NELL2: variants seen among roughly 807,000 people sequenced by gnomAD.
NELL2 encodes neural EGFL like 2, also known as protein kinase C-binding protein NELL2.
NELL2 carries 41 observed loss-of-function variants against 109.6 expected under a neutral mutation model. The observed-to-expected ratio is 0.37, with a 90% CI of 0.29 to 0.49. The LOEUF is 0.49. NELL2 is among the 20% of genes least tolerant of loss of function. NELL2 has a pLI of 0.98. For synonymous variants in NELL2, 355 were observed against 344.7 expected (o/e 1.03, Z -0.33); for missense variants, 900 against 1,008.3 (o/e 0.89, Z 1.45).
chr12:44,834,738 C>T (rs996061766), intron 2 of NELL2, among the ~76,000 whole-genome samples: 3 of 152,160 alleles, frequency 2.0e-5, no homozygotes, highest in Non-Finnish European at 4.4e-5. Context: ...TAACCTCCAT[C>T]CCACCCCAGC....
intron 9 of NELL2, among the ~76,000 whole-genome samples, chr12:44,744,365 A>C (rs188413181): frequency 0.026 from 3,999 of 152,254 alleles, 166 homozygotes; most frequent in African/African-American, 0.09. Flanking sequence ...TCTAAAATTG[A>C]CACCCTAACA....
chr12:44,609,785 C>T (rs1418240577), intron 14 of NELL2, among the ~76,000 whole-genome samples: 1 of 152,010 alleles, frequency 6.6e-6, no homozygotes, highest in Non-Finnish European at 1.5e-5. Context: ...CCTTATAAGA[C>T]ACTGCGTTAA....
At chr12:44,870,826 G>A (rs1350367106) in intron 2 of NELL2, among the ~76,000 whole-genome samples, 1 of 152,124 alleles carries the variant, frequency 6.6e-6, no homozygotes, top group South Asian at 2.1e-4. Context: ...GTCAGCTGAT[G>A]AGCAAACTTA....
intron 9 of NELL2, among the ~76,000 whole-genome samples, chr12:44,774,073 T>C (rs555210738): frequency 1.3e-5 from 2 of 152,354 alleles, no homozygotes; most frequent in South Asian, 2.1e-4. Flanking sequence ...AACACTCTTT[T>C]TAACAAAGGT....
chr12:44,539,495 G>T (rs1942448490), intron 15 of NELL2, among the ~76,000 whole-genome samples: 1 of 151,876 alleles, frequency 6.6e-6, no homozygotes, highest in Admixed American at 6.6e-5. Context: ...ATATTTTACA[G>T]ATTTCTGAAT....
chr12:44,548,344 G>T (rs989628495), intron 15 of NELL2, among the ~76,000 whole-genome samples: 6 of 151,778 alleles, frequency 4.0e-5, no homozygotes, highest in Non-Finnish European at 7.4e-5. Flanking sequence ...AAACAAGAAG[G>T]ATCGCCTGGC....
chr12:44,850,639 A>C (rs1371944551), intron 2 of NELL2, among the ~76,000 whole-genome samples: 1 of 152,220 alleles, frequency 6.6e-6, no homozygotes, highest in Non-Finnish European at 1.5e-5. Flanking sequence ...TAAAACAGTT[A>C]TGTAGGGCTC....
chr12:44,823,035 C>A (rs1943595043), intron 2 of NELL2, among the ~76,000 whole-genome samples: 1 of 152,142 alleles, frequency 6.6e-6, no homozygotes, highest in Admixed American at 6.5e-5. Context: ...TATATGGTAG[C>A]AAACATGGGT....
At chr12:44,782,659 T>C (rs1016896574) in intron 3 of NELL2, among the ~76,000 whole-genome samples, 2 of 151,780 alleles carry the variant, frequency 1.3e-5, no homozygotes, top group East Asian at 1.9e-4. Flanking sequence ...AGAAATGCTA[T>C]AAAAATGATG....
chr12:44,693,525 T>A (rs956090983), intron 12 of NELL2, among the ~76,000 whole-genome samples: 9 of 152,098 alleles, frequency 5.9e-5, no homozygotes, highest in Non-Finnish European at 1.3e-4. Context: ...TAAGAAGAAA[T>A]TTAGAACGGT....
intron 13 of NELL2, among the ~76,000 whole-genome samples, chr12:44,638,885 T>G (rs1482172094): frequency 6.6e-6 from 1 of 152,194 alleles, no homozygotes; most frequent in Non-Finnish European, 1.5e-5. Context: ...AAATATAATG[T>G]GAGTCATATA....
chr12:44,540,781 C>CAAAAAAAAAAAAAA (rs57205620), intron 15 of NELL2, among the ~76,000 whole-genome samples: 4,859 of 49,312 alleles, frequency 0.099, 1,495 homozygotes, highest in East Asian at 0.15. Flanking sequence ...GTCTGCAAGC[C>CAAAAAAAAAAAAAA]AAAAAAAAAA....
At chr12:44,841,143 G>T (rs1944214440) in intron 2 of NELL2, among the ~76,000 whole-genome samples, 1 of 152,174 alleles carries the variant, frequency 6.6e-6, no homozygotes, top group African/African-American at 2.4e-5. Context: ...TTAGTTAAAA[G>T]TACAATAGAT....
intron 5 of NELL2, among the ~76,000 whole-genome samples, chr12:44,777,837 A>G (rs1941812058): frequency 1.3e-5 from 2 of 152,246 alleles, no homozygotes; most frequent in South Asian, 4.1e-4. Context: ...AAACAGCTAC[A>G]GCAAAATATA....
chr12:44,576,678 T>G (rs1399863908), intron 15 of NELL2, among the ~76,000 whole-genome samples: 6 of 152,146 alleles, frequency 3.9e-5, no homozygotes, highest in African/African-American at 1.4e-4. Flanking sequence ...TAGGTATATC[T>G]CCCAATGCTA....
At chr12:44,670,690 C>T (rs561564157) in intron 12 of NELL2, among the ~76,000 whole-genome samples, 1 of 150,580 alleles carries the variant, frequency 6.6e-6, no homozygotes, top group South Asian at 2.1e-4. Context: ...AGTTAAAAAA[C>T]ATAAAAAGGG....
At chr12:44,840,958 C>T (rs1340937333) in intron 2 of NELL2, among the ~76,000 whole-genome samples, 1 of 152,124 alleles carries the variant, frequency 6.6e-6, no homozygotes, top group East Asian at 1.9e-4. Flanking sequence ...TTGTAGAACA[C>T]TGTGGCAGAT....
intron 2 of NELL2, among the ~76,000 whole-genome samples, chr12:44,853,901 C>T (rs983428114): frequency 6.6e-6 from 1 of 152,138 alleles, no homozygotes; most frequent in East Asian, 1.9e-4. Context: ...CCAGGTTCAA[C>T]GTTCAGTTAC....
At chr12:44,805,467 A>C (rs1942968007) in intron 3 of NELL2, among the ~76,000 whole-genome samples, 1 of 151,888 alleles carries the variant, frequency 6.6e-6, no homozygotes, top group African/African-American at 2.4e-5. Flanking sequence ...GTGACATTAC[A>C]AATCAGTGAG....
Sources: allele counts gnomAD v4.1 joint callset (sites outside exome capture counted in the v4.1 genomes callset), GRCh38; gene constraint gnomAD v4.1.1; transcripts MANE v1.5; gene names NCBI Gene and HGNC (gene_info 2026-07-23, HGNC 2026-07-21).